The following ABI3BP variants were observed in gnomAD, a reference collection of about 807,000 sequenced individuals.
ABI3BP encodes ABI family member 3 binding protein.
ABI3BP carries 216 observed loss-of-function variants against 268.6 expected under a neutral mutation model. The observed-to-expected ratio is 0.80, with a 90% CI of 0.72 to 0.90. The LOEUF (loss-of-function observed/expected upper bound fraction) is 0.90, where lower values mean the gene tolerates loss of function less well. Among genes scored for constraint, ABI3BP ranks in the 40% least tolerant of loss-of-function variants. The pLI is 0.00. For synonymous variants in ABI3BP, 730 were observed against 730.0 expected (o/e 1.00, Z 0.00); for missense variants, 2,090 against 2,182.4 (o/e 0.96, Z 0.84).
chr3:100,956,099 G>T (rs1482862407), intron 1 of ABI3BP, among the ~76,000 whole-genome samples: 1 of 151,710 alleles, frequency 6.6e-6, no homozygotes, highest in Non-Finnish European at 1.5e-5. Context: ...GAGGCAGGGA[G>T]AATTGCTTGA....
chr3:100,789,365 G>T, intron 56 of ABI3BP, 89 bp downstream of exon 56: 7 of 1,246,296 alleles, frequency 5.6e-6, no homozygotes, highest in South Asian at 1.3e-5. Flanking sequence ...GCAATGTAAG[G>T]GTTCCCCTTT....
At chr3:100,774,101 G>C (rs1293824098) in intron 61 of ABI3BP, among the ~76,000 whole-genome samples, 1 of 152,104 alleles carries the variant, frequency 6.6e-6, no homozygotes, top group Non-Finnish European at 1.5e-5. Flanking sequence ...ATGTCATATT[G>C]TATCTCTCCT....
At chr3:100,976,577 A>T (rs1264835879) in intron 1 of ABI3BP, among the ~76,000 whole-genome samples, 1 of 152,094 alleles carries the variant, frequency 6.6e-6, no homozygotes, top group Middle Eastern at 3.2e-3. Flanking sequence ...TTATTCTCTC[A>T]TAATGTTAGA....
chr3:100,821,185 A>G, intron 38 of ABI3BP, 72 bp from the exon 39 acceptor site: 6 of 1,331,262 alleles, frequency 4.5e-6, no homozygotes, highest in East Asian at 2.5e-5. Context: ...TTCTTCAAAA[A>G]TGAGTCTTAC....
At chr3:100,767,111 C>G (rs1238091459) in intron 62 of ABI3BP, among the ~76,000 whole-genome samples, 1 of 152,038 alleles carries the variant, frequency 6.6e-6, no homozygotes, top group Non-Finnish European at 1.5e-5. Flanking sequence ...CCACACCCAG[C>G]TAATTTTTTG....
intron 6 of ABI3BP, among the ~76,000 whole-genome samples, chr3:100,882,534 T>G (rs924673633): frequency 2.6e-5 from 4 of 151,814 alleles, no homozygotes; most frequent in African/African-American, 9.7e-5. Context: ...ATGAATTTGG[T>G]TTTTCCTTTG....
intron 9 of ABI3BP, among the ~76,000 whole-genome samples, chr3:100,869,330 GTTTTTTTTTTTTTTTTTTTT>G (rs144604645): frequency 2.0e-5 from 1 of 49,754 alleles, no homozygotes; most frequent in Non-Finnish European, 3.4e-5. Flanking sequence ...CTTCTTTTTG[GTTTTTTTTTTTTTTTTTTTT>G]TTTTTTGAGT....
chr3:100,777,901 T>C (rs72930671), intron 59 of ABI3BP, among the ~76,000 whole-genome samples: 1,762 of 152,298 alleles, frequency 0.012, 35 homozygotes, highest in African/African-American at 0.029. Context: ...GTGGGACATA[T>C]AGAATTTTAT....
chr3:100,829,139 T>G (rs756390549), intron 33 of ABI3BP, among the ~76,000 whole-genome samples: 21 of 127,692 alleles, frequency 1.6e-4, no homozygotes, highest in Non-Finnish European at 1.7e-4. Context: ...TAAGTGGTTG[T>G]TAAAAAAAAA....
intron 63 of ABI3BP, among the ~76,000 whole-genome samples, chr3:100,764,096 A>G (rs1302768801): frequency 5.3e-5 from 8 of 152,128 alleles, no homozygotes; most frequent in Non-Finnish European, 1.2e-4. Flanking sequence ...TTCACTGCAC[A>G]CAACCATGCC....
rs2095220726 is a variant in ABI3BP at position 100,749,725 on chromosome 3, T to TA, written c.*769dup. ...TCTACATACAGCTTGATTAGAATCA[T>TA]AAAAACAATATGAAGACGATTGCAT... On this transcript the variant is annotated 3_prime_UTR_variant, in exon 68 of 68. Coordinates refer to ENST00000471714, the MANE Select transcript of ABI3BP (RefSeq NM_001375547.2). 2 of 398,382 alleles carry TA rather than the reference T, an allele frequency of 5.0e-6. No homozygotes were observed. The highest frequency in any genetic ancestry group is 8.9e-6 in the Non-Finnish European group (2 of 225,792). 24.7% of individuals were successfully genotyped at this position (398,382 alleles called of 1,614,324 possible).
intron 47 of ABI3BP, 89 bp from the exon 48 acceptor site, chr3:100,811,366 G>C: frequency 4.0e-6 from 4 of 1,010,894 alleles, no homozygotes; most frequent in Non-Finnish European, 5.7e-6. Flanking sequence ...TTAATAATTT[G>C]CATCATAATT....
At chr3:100,853,633 A>T (rs1503844) in intron 14 of ABI3BP, among the ~76,000 whole-genome samples, 52,285 of 152,042 alleles carry the variant, frequency 0.34, 9,430 homozygotes, top group African/African-American at 0.44. Flanking sequence ...GTCTGTATTT[A>T]GTTCCAAAAG....
chr3:100,951,391 A>G (rs1276445436), intron 1 of ABI3BP, among the ~76,000 whole-genome samples: 1 of 151,920 alleles, frequency 6.6e-6, no homozygotes, highest in Non-Finnish European at 1.5e-5. Flanking sequence ...GCAATTCACA[A>G]AGTTTCTGTC....
intron 9 of ABI3BP, among the ~76,000 whole-genome samples, chr3:100,868,289 C>T (rs1388105518): frequency 6.6e-6 from 1 of 152,112 alleles, no homozygotes; most frequent in African/African-American, 2.4e-5. Flanking sequence ...TGGCTTCTAC[C>T]CATTGGATTC....
In ABI3BP at chr3:100,992,955, G is replaced by A. The variant is rs185317991; in HGVS notation, c.79+351C>T. Among the ~76,000 whole-genome samples the A allele has an allele frequency of 1.9e-4, 29 of 152,282 alleles. No individual in the cohort carries two copies. In the East Asian group the frequency reaches 5.4e-3, roughly 28 times the overall value. On this transcript the variant is annotated intron_variant, in intron 1 of 67. Coordinates refer to ENST00000471714, the MANE Select transcript of ABI3BP (RefSeq NM_001375547.2). Reference sequence around the variant, plus strand: ...TAGTACTGATTCAGTCTCTGGGGAGGAGGATAAAAACACCAAACAACTCTT... The same window carrying A: ...TAGTACTGATTCAGTCTCTGGGGAGAAGGATAAAAACACCAAACAACTCTT...
At chr3:100,865,606 G>A (rs931967500) in intron 10 of ABI3BP, among the ~76,000 whole-genome samples, 3 of 152,172 alleles carry the variant, frequency 2.0e-5, no homozygotes, top group African/African-American at 7.2e-5. Flanking sequence ...AGAAAGCCCC[G>A]GAATGTTGCA....
Position 100,850,105 on chromosome 3 carries a change from G to A in ABI3BP, c.1441C>T (p.Pro481Ser), listed in dbSNP as rs768548739. ...ATTTCCAGTTTTTGAGGAACAAATGGTGTTTCACTTGGAGCTGAAAGCACA... is the reference window on the plus strand; with the variant it reads ...ATTTCCAGTTTTTGAGGAACAAATGATGTTTCACTTGGAGCTGAAAGCACA... ...PRATLAPSET[P>S]FVPQKLEIFT... The change falls in exon 17 of 68, where the codon CCA (proline) becomes TCA (serine). Residue 481 changes from proline (P) to serine (S), a missense_variant. Transcript: ENST00000471714. 4 of 1,609,104 alleles carry A rather than the reference G, an allele frequency of 2.5e-6. No individual in the cohort carries two copies. In the East Asian group the frequency reaches 6.7e-5, roughly 27 times the overall value.
At chr3:100,753,905 G>A in intron 64 of ABI3BP, 57 bp from the exon 65 acceptor site, 1 of 1,539,834 alleles carries the variant, frequency 6.5e-7, no homozygotes, top group Non-Finnish European at 8.9e-7. Context: ...CAACATTCCA[G>A]TGGCATGGTG....
Sources: gnomAD v4.1 joint callset for allele counts (sites outside exome capture counted in the v4.1 genomes callset) on GRCh38, gnomAD v4.1.1 for gene constraint, MANE v1.5 for transcripts, NCBI Gene and HGNC (gene_info 2026-07-23, HGNC 2026-07-21) for gene names.